CNTNAP2: variants seen among roughly 807,000 people sequenced by gnomAD.
CNTNAP2 encodes contactin-associated protein-like 2.
Under a neutral mutation model 155.2 loss-of-function variants are expected in CNTNAP2, and 98 were observed. The ratio of observed to expected loss-of-function variants is 0.63; its 90% CI spans 0.54 to 0.75. The LOEUF is 0.75. CNTNAP2 is among the 30% of genes least tolerant of loss of function. The probability of loss-of-function intolerance (pLI) is 0.00; values close to 1 mark genes in which losing one functional copy is unlikely to be tolerated. For synonymous variants in CNTNAP2, 651 were observed against 631.2 expected (o/e 1.03, Z -0.47); for missense variants, 1,727 against 1,688.1 (o/e 1.02, Z -0.40).
At chr7:147,919,459 CTTT>C (rs796710849) in intron 14 of CNTNAP2, among the ~76,000 whole-genome samples, 1 of 51,238 alleles carries the variant, frequency 2.0e-5, no homozygotes, top group Non-Finnish European at 3.3e-5. Context: ...CTTTTTCTTT[CTTT>C]TTTTTTTTTT....
chr7:147,019,343 A>G (rs867281638), intron 3 of CNTNAP2, among the ~76,000 whole-genome samples: 13 of 152,130 alleles, frequency 8.5e-5, no homozygotes, highest in Middle Eastern at 3.4e-3. Flanking sequence ...ATGATAGTTG[A>G]CCGAATGTTA....
chr7:147,408,911 T>C (rs1797055814), intron 10 of CNTNAP2, among the ~76,000 whole-genome samples: 2 of 152,166 alleles, frequency 1.3e-5, no homozygotes. Context: ...GAGAAATGAA[T>C]TACTGCAGTA....
intron 1 of CNTNAP2, among the ~76,000 whole-genome samples, chr7:146,533,595 G>A (rs1584967822): frequency 6.6e-6 from 1 of 152,112 alleles, no homozygotes; most frequent in African/African-American, 2.4e-5. Context: ...AACATGATAA[G>A]ATTTGTGTTC....
At chr7:147,889,799 T>A (rs1799657722) in intron 13 of CNTNAP2, among the ~76,000 whole-genome samples, 1 of 152,212 alleles carries the variant, frequency 6.6e-6, no homozygotes, top group Non-Finnish European at 1.5e-5. Flanking sequence ...GTGTGGCTAT[T>A]GGTTACCTAC....
At chr7:146,344,777 A>G (rs1280266251) in intron 1 of CNTNAP2, among the ~76,000 whole-genome samples, 1 of 152,226 alleles carries the variant, frequency 6.6e-6, no homozygotes, top group Non-Finnish European at 1.5e-5. Context: ...GCTCCCGGCC[A>G]ACTAGCTTTA....
intron 17 of CNTNAP2, among the ~76,000 whole-genome samples, chr7:148,163,562 A>C (rs1805592015): frequency 6.6e-6 from 1 of 152,172 alleles, no homozygotes; most frequent in Admixed American, 6.5e-5. Context: ...GTTTGGATTC[A>C]CATGTTCTGC....
intron 1 of CNTNAP2, among the ~76,000 whole-genome samples, chr7:146,303,823 T>C (rs1291606804): frequency 6.6e-6 from 1 of 152,012 alleles, no homozygotes; most frequent in Non-Finnish European, 1.5e-5. Flanking sequence ...GGATATCCTT[T>C]TTAACTTTCT....
At chr7:148,254,775 CAAAAA>C (rs55711921) in intron 20 of CNTNAP2, among the ~76,000 whole-genome samples, 4 of 120,376 alleles carry the variant, frequency 3.3e-5, no homozygotes, top group Admixed American at 8.5e-5. Flanking sequence ...GACTCCATCT[CAAAAA>C]AAAAAAAAAA....
chr7:147,738,914 C>A (rs1470671908), intron 13 of CNTNAP2, among the ~76,000 whole-genome samples: 1 of 152,132 alleles, frequency 6.6e-6, no homozygotes, highest in Non-Finnish European at 1.5e-5. Context: ...CTTGGCCTCC[C>A]AAAGTGCTGG....
At chr7:146,447,170 G>A (rs2129121335) in intron 1 of CNTNAP2, among the ~76,000 whole-genome samples, 1 of 152,032 alleles carries the variant, frequency 6.6e-6, no homozygotes, top group South Asian at 2.1e-4. Context: ...ACATTTGGGG[G>A]AACAAATGGA....
At position 147,477,690 on chromosome 7, in the gene CNTNAP2, T is replaced by A. The variant is rs115048945; in HGVS notation, c.1671-8245T>A. On this transcript the variant is annotated intron_variant, in intron 10 of 23. Transcript: ENST00000361727. Reference sequence around the variant, plus strand: ...GAAGAGAATATATCTCCGTGGTGCATCTCTTGATGGCTGGCTTTATTTTGC... The same window carrying A: ...GAAGAGAATATATCTCCGTGGTGCAACTCTTGATGGCTGGCTTTATTTTGC... Among the ~76,000 whole-genome samples the A allele has an allele frequency of 6.7e-3, 1,025 of 152,302 alleles. 10 individuals carry two copies. Among genetic ancestry groups the A allele is most frequent in the African/African-American group, 0.023 (963 of 41,574 alleles).
At chr7:146,616,160 G>A (rs1419957759) in intron 1 of CNTNAP2, among the ~76,000 whole-genome samples, 1 of 152,018 alleles carries the variant, frequency 6.6e-6, no homozygotes, top group African/African-American at 2.4e-5. Flanking sequence ...GAGAGAAACA[G>A]GAAAGAGAAA....
intron 4 of CNTNAP2, among the ~76,000 whole-genome samples, chr7:147,075,526 T>G (rs1799979305): frequency 6.6e-6 from 1 of 152,142 alleles, no homozygotes; most frequent in African/African-American, 2.4e-5. Context: ...TTCATAAGAT[T>G]ATGTCCATCA....
chr7:147,811,313 G>T (rs1563097681), intron 13 of CNTNAP2, among the ~76,000 whole-genome samples: 1 of 152,096 alleles, frequency 6.6e-6, no homozygotes, highest in Non-Finnish European at 1.5e-5. Flanking sequence ...GCCCAGGCTG[G>T]TCTCGAACTC....
At chr7:147,908,601 C>G (rs6464848) in intron 14 of CNTNAP2, among the ~76,000 whole-genome samples, 5,757 of 152,296 alleles carry the variant, frequency 0.038, 241 homozygotes, top group East Asian at 0.17. Flanking sequence ...CTGGAGTGCA[C>G]TGTCACGATC....
chr7:148,239,703 C>T (rs1004319155), intron 20 of CNTNAP2, among the ~76,000 whole-genome samples: 30 of 152,168 alleles, frequency 2.0e-4, no homozygotes, highest in African/African-American at 7.2e-4. Flanking sequence ...TGCCCAACTA[C>T]CAGAGCCTCA....
intron 13 of CNTNAP2, among the ~76,000 whole-genome samples, chr7:147,753,049 A>G (rs1178462544): frequency 1.3e-5 from 2 of 152,188 alleles, no homozygotes; most frequent in Non-Finnish European, 2.9e-5. Flanking sequence ...ACTCTCTTAT[A>G]TACCTATCTT....
intron 8 of CNTNAP2, among the ~76,000 whole-genome samples, chr7:147,279,076 T>C (rs974273001): frequency 1.3e-5 from 2 of 151,738 alleles, no homozygotes; most frequent in African/African-American, 2.4e-5. Flanking sequence ...ACCCTATCTT[T>C]ATGATATTAT....
chr7:148,124,027 G>A (rs191777646), intron 16 of CNTNAP2, among the ~76,000 whole-genome samples: 7 of 152,234 alleles, frequency 4.6e-5, no homozygotes, highest in African/African-American at 1.7e-4. Context: ...GTTTGAGGAT[G>A]GTAGAGACTT....
Sources: gnomAD v4.1 joint callset for allele counts (sites outside exome capture counted in the v4.1 genomes callset) on GRCh38, gnomAD v4.1.1 for gene constraint, MANE v1.5 for transcripts, NCBI Gene and HGNC (gene_info 2026-07-23, HGNC 2026-07-21) for gene names.